Variants in AGAP6 observed in about 807,000 individuals in gnomAD.
AGAP6 encodes ArfGAP with GTPase domain, ankyrin repeat and PH domain 6.
AGAP6 carries 29 observed loss-of-function variants against 63.9 expected under a neutral mutation model. The ratio of observed to expected loss-of-function variants is 0.45; its 90% CI spans 0.34 to 0.62. The LOEUF (loss-of-function observed/expected upper bound fraction) is 0.62. Ranked by LOEUF, AGAP6 falls within the 20% of genes least tolerant of loss-of-function variation. The pLI, the probability that AGAP6 is intolerant of heterozygous loss-of-function variation, is 0.01. For missense variants in AGAP6, 493 were observed against 884.9 expected, an observed-to-expected ratio of 0.56 and a Z score of 5.62; for synonymous variants, 199 against 332.9, an observed-to-expected ratio of 0.60 and a Z score of 4.38.
intron 4 of AGAP6, among the ~76,000 whole-genome samples, chr10:50,001,278 C>G (rs1188444597): frequency 6.7e-6 from 1 of 150,272 alleles, no homozygotes; most frequent in Admixed American, 6.6e-5. Flanking sequence ...TGCAGTGAGC[C>G]GAGATTGCAC....
At chr10:49,996,411 G>A (rs1841489576) in intron 4 of AGAP6, among the ~76,000 whole-genome samples, 3 of 152,160 alleles carry the variant, frequency 2.0e-5, no homozygotes, top group East Asian at 1.9e-4. Context: ...GGCCTTAGAA[G>A]CCTGACTAGC....
chr10:50,004,965 AT>A (rs1225131151), intron 6 of AGAP6, among the ~76,000 whole-genome samples: 14 of 152,254 alleles, frequency 9.2e-5, no homozygotes, highest in Admixed American at 5.9e-4. Context: ...TACAGTTGAA[AT>A]TTTTTCAAAA....
rs374606969 is a variant in AGAP6 at position 49,998,697 on chromosome 10, G to T, written c.397-3299G>T. Reference sequence around the variant, plus strand: ...TTCTTAGTTTTGTTTTGGCTATGCCGGTTCTTGTTTGGTCCATATAAATTT... The same window carrying T: ...TTCTTAGTTTTGTTTTGGCTATGCCTGTTCTTGTTTGGTCCATATAAATTT... On this transcript the variant is annotated intron_variant, in intron 4 of 7. Transcript: ENST00000412531. Among the ~76,000 whole-genome samples the T allele has an allele frequency of 1.4e-5, 2 of 141,900 alleles. 1 individual carries two copies. Among genetic ancestry groups the T allele is most frequent in the African/African-American group, 5.4e-5 (2 of 37,226 alleles). The allele number at this position is 141,900 out of a possible 152,430, so 93.1% of individuals were successfully genotyped here.
rs1842035570 is a variant in AGAP6, at chr10:50,009,614, C to T, written c.1489C>T (p.Leu497Phe). Residue 497 changes from leucine to phenylalanine, a missense_variant, in exon 8 of 8, where the codon CTC becomes TTC. This residue lies in a region of AGAP6 where 87 missense variants were observed against 92.9 expected (regional missense o/e 0.94). Coordinates refer to ENST00000412531, the MANE Select transcript of AGAP6 (RefSeq NM_001077665.3). ...PKWASLNLGVLMCIECSGIHR... is the reference protein window; with the variant it reads ...PKWASLNLGVFMCIECSGIHR... ...GTGGGCCAGTTTGAACTTGGGAGTC[C>T]TCATGTGTATTGAATGCTCAGGTAT... 1 of 1,613,774 alleles carries T rather than the reference C, an allele frequency of 6.2e-7. No individual in the cohort carries two copies. The highest frequency in any genetic ancestry group is 1.7e-5 in the Admixed American group (1 of 59,984).
At chr10:49,998,031 T>G (rs1440472258) in intron 4 of AGAP6, among the ~76,000 whole-genome samples, 1 of 135,638 alleles carries the variant, frequency 7.4e-6, no homozygotes, top group Non-Finnish European at 1.5e-5. Flanking sequence ...TATATCACGG[T>G]TTCTTTATCC....
intron 4 of AGAP6, among the ~76,000 whole-genome samples, chr10:49,999,452 A>G (rs1455242882): frequency 2.1e-5 from 3 of 141,188 alleles, no homozygotes; most frequent in African/African-American, 8.1e-5. Context: ...TCAGCATAGA[A>G]GGGTCACAGC....
At chr10:49,991,254 T>G (rs1841262142) in intron 2 of AGAP6, among the ~76,000 whole-genome samples, 1 of 152,032 alleles carries the variant, frequency 6.6e-6, no homozygotes, top group African/African-American at 2.4e-5. Flanking sequence ...TTTTAAAAAT[T>G]TTAAAAACTC....
Position 50,009,322 on chromosome 10 carries a change from A to G in AGAP6, c.1197A>G (p.Lys399=), listed in dbSNP as rs782169172. Residue 399 remains lysine (K), a synonymous_variant, in exon 8 of 8, where the codon AAA becomes AAG. Transcript: ENST00000412531. ...CGCCCCCCTCTCCTCATGCTAATAA[A>G]AAGAAACACCTAAAGAAGAAAAGCA... ...LNPPPSPHAN[K]KKHLKKKSTN... The G allele has an allele frequency of 8.1e-6, 13 of 1,614,050 alleles. No individual in the cohort carries two copies. In the Admixed American group the frequency reaches 2.2e-4, roughly 27 times the overall value.
intron 4 of AGAP6, among the ~76,000 whole-genome samples, chr10:50,001,324 C>T (rs1427948765): frequency 1.1e-4 from 16 of 148,968 alleles, no homozygotes; most frequent in Admixed American, 2.7e-4. Context: ...AGCGAGACTC[C>T]GTCTCAAAAA....
Position 50,008,887 on chromosome 10 carries a change from T to C in AGAP6, c.762T>C (p.Phe254=). The C allele has an allele frequency of 6.2e-7, 1 of 1,612,780 alleles. No homozygotes were observed. Among genetic ancestry groups the C allele is most frequent in the African/African-American group, 1.3e-5 (1 of 74,878 alleles). Residue 254 remains phenylalanine, a synonymous_variant, in exon 8 of 8, where the codon TTT becomes TTC. Coordinates refer to ENST00000412531, the MANE Select transcript of AGAP6 (RefSeq NM_001077665.3). The part of the protein sequence containing the change: ...CKRSMRWSNL[F]TSEKGSDPDK... ...GGTCCATGCGCTGGTCCAACCTGTT[T>C]ACATCTGAGAAAGGGAGTGACCCAG...
intron 3 of AGAP6, among the ~76,000 whole-genome samples, chr10:49,993,309 A>T (rs1173709612): frequency 6.6e-6 from 1 of 152,166 alleles, no homozygotes; most frequent in Non-Finnish European, 1.5e-5. Context: ...GGAAGCAGTA[A>T]AAGAAAAGCT....
intron 2 of AGAP6, 132 bp from the exon 3 acceptor site, chr10:49,991,544 T>C (rs1415994262): frequency 2.0e-5 from 25 of 1,260,578 alleles, no homozygotes; most frequent in Middle Eastern, 5.6e-4. Context: ...CTTATGTCTA[T>C]ACATTCATTT....
chr10:49,996,306 ATC>A (rs1564709122), intron 4 of AGAP6, among the ~76,000 whole-genome samples: 2 of 150,424 alleles, frequency 1.3e-5, no homozygotes, highest in African/African-American at 4.9e-5. Context: ...TATTGTTTTG[ATC>A]TCTTTTCTTG....
At chr10:50,007,208 A>G (rs1246271907) in intron 6 of AGAP6, among the ~76,000 whole-genome samples, 2 of 150,972 alleles carry the variant, frequency 1.3e-5, no homozygotes, top group Non-Finnish European at 2.9e-5. Context: ...CCTGGCCAAC[A>G]TGGTGAAACC....
At chr10:49,989,064 G>T (rs1841157100) in intron 1 of AGAP6, 126 bp downstream of exon 1, 2 of 1,575,048 alleles carry the variant, frequency 1.3e-6, no homozygotes, top group Non-Finnish European at 1.7e-6. Context: ...CCGGGGGCTG[G>T]CCAGGAACAA....
At chr10:50,001,147 G>A (rs1269096812) in intron 4 of AGAP6, among the ~76,000 whole-genome samples, 3 of 149,838 alleles carry the variant, frequency 2.0e-5, no homozygotes, top group Admixed American at 6.6e-5. Flanking sequence ...TGGCTAACAC[G>A]GTGAAACCCC....
At chr10:49,990,125 A>G (rs1841210924) in intron 2 of AGAP6, among the ~76,000 whole-genome samples, 1 of 152,196 alleles carries the variant, frequency 6.6e-6, no homozygotes, top group South Asian at 2.1e-4. Context: ...TGACAATAGC[A>G]TCTTGTTCAA....
At chr10:49,990,815 A>G (rs1392010570) in intron 2 of AGAP6, among the ~76,000 whole-genome samples, 9 of 152,220 alleles carry the variant, frequency 5.9e-5, no homozygotes, top group Non-Finnish European at 1.3e-4. Context: ...TGACTTTGTA[A>G]CTTGGAAGTA....
chr10:50,005,796 T>A (rs1841894208), intron 6 of AGAP6, among the ~76,000 whole-genome samples: 1 of 149,178 alleles, frequency 6.7e-6, no homozygotes, highest in Non-Finnish European at 1.5e-5. Flanking sequence ...GGTGCATGCC[T>A]GTAGTCCCAG....
Sources: allele counts gnomAD v4.1 joint callset (sites outside exome capture counted in the v4.1 genomes callset), GRCh38; gene constraint gnomAD v4.1.1; regional missense constraint gnomAD v4.1.1; transcripts MANE v1.5; gene names NCBI Gene and HGNC (gene_info 2026-07-23, HGNC 2026-07-21).